The following DCDC1 variants were observed in gnomAD, a reference collection of about 807,000 sequenced individuals.
DCDC1 encodes doublecortin domain-containing protein 1.
A neutral mutation model predicts 178.3 loss-of-function variants in DCDC1; 200 were observed. The ratio of observed to expected loss-of-function variants is 1.12; its 90% CI spans 1.00 to 1.26. The LOEUF is 1.26. Among genes scored for constraint, DCDC1 ranks in the 50% most tolerant of loss-of-function variants. DCDC1 has a pLI of 0.00. For missense variants in DCDC1, 1,983 were observed against 1,749.2 expected (o/e 1.13, Z -2.38); for synonymous variants, 690 against 604.8 (o/e 1.14, Z -2.07).
At chr11:31,073,624 A>G (rs568291156) in intron 18 of DCDC1, among the ~76,000 whole-genome samples, 1 of 152,336 alleles carries the variant, frequency 6.6e-6, no homozygotes, top group South Asian at 2.1e-4. Context: ...TTCTTCATCT[A>G]CCTAGAGCCT....
intron 9 of DCDC1, among the ~76,000 whole-genome samples, chr11:31,206,571 G>A (rs561581507): frequency 7.9e-5 from 12 of 152,150 alleles, no homozygotes; most frequent in East Asian, 3.9e-4. Flanking sequence ...GCGCCACCAC[G>A]CCCTGCTATT....
intron 18 of DCDC1, among the ~76,000 whole-genome samples, chr11:31,073,944 G>A (rs373433432): frequency 2.5e-4 from 38 of 152,224 alleles, no homozygotes; most frequent in African/African-American, 7.5e-4. Context: ...AAGTTGTGAC[G>A]TAATTCTAGA....
intron 20 of DCDC1, 143 bp downstream of exon 20, chr11:31,064,326 A>C (rs541799422): frequency 1.7e-6 from 1 of 591,344 alleles, no homozygotes; most frequent in African/African-American, 1.8e-5. Flanking sequence ...TCTTCATCAA[A>C]TGTGACCCAA....
At chr11:31,199,824 T>C (rs1971090154) in intron 9 of DCDC1, among the ~76,000 whole-genome samples, 1 of 152,148 alleles carries the variant, frequency 6.6e-6, no homozygotes, top group Non-Finnish European at 1.5e-5. Flanking sequence ...CAAAACAGGA[T>C]TGAAAATTAA....
chr11:31,155,432 G>T (rs180711272), intron 9 of DCDC1, among the ~76,000 whole-genome samples: 1 of 152,180 alleles, frequency 6.6e-6, no homozygotes. Context: ...CCCAAAACAT[G>T]ACCCATTTCT....
chr11:30,958,633 G>A (rs1948904441), intron 20 of DCDC1, among the ~76,000 whole-genome samples: 1 of 152,136 alleles, frequency 6.6e-6, no homozygotes, highest in Non-Finnish European at 1.5e-5. Flanking sequence ...ATGGTGGTGT[G>A]TCCTTAACAG....
At position 31,327,001 on chromosome 11, in the gene DCDC1, A is replaced by C. The variant is rs148107960; in HGVS notation, c.164+1116T>G. On this transcript the variant is annotated intron_variant, in intron 3 of 38. Transcript: ENST00000684477. ...GTCTCCTCTGCTTTACAGTTCTGATAAATGCTGTAGTGTTAGACCCATTTG... is the reference window on the plus strand; with the variant it reads ...GTCTCCTCTGCTTTACAGTTCTGATCAATGCTGTAGTGTTAGACCCATTTG... Among the ~76,000 whole-genome samples, 127 of 152,280 alleles carry C rather than the reference A, an allele frequency of 8.3e-4. 1 individual carries two copies. The highest frequency in any genetic ancestry group is 2.8e-3 in the African/African-American group (118 of 41,554).
chr11:31,059,181 C>CTA (rs1353378984), intron 20 of DCDC1, among the ~76,000 whole-genome samples: 9 of 152,018 alleles, frequency 5.9e-5, no homozygotes, highest in African/African-American at 2.2e-4. Flanking sequence ...AATTAATGCA[C>CTA]ATTTATAGAC....
At chr11:31,029,348 A>T (rs1953465352) in intron 20 of DCDC1, among the ~76,000 whole-genome samples, 1 of 152,118 alleles carries the variant, frequency 6.6e-6, no homozygotes, top group Admixed American at 6.5e-5. Flanking sequence ...ACAAAATTCA[A>T]GAAGAAAAAG....
At chr11:30,897,406 G>T (rs1189299641) in intron 34 of DCDC1, among the ~76,000 whole-genome samples, 1 of 151,900 alleles carries the variant, frequency 6.6e-6, no homozygotes, top group African/African-American at 2.4e-5. Flanking sequence ...GGCTAACACG[G>T]TGAAACCCCC....
chr11:31,091,523 T>C lies in DCDC1; in HGVS notation c.2119-12A>G. The stretch of plus-strand genomic sequence containing the variant: ...AGGATCATTCCAGTCTTCCAATGAA[T>C]AGAGAGGGGGAGAAAGGTCTAAATA... On this transcript the variant is annotated splice_polypyrimidine_tract_variant and intron_variant, in intron 16 of 38. Transcript: ENST00000684477. 2 of 736,824 alleles carry C rather than the reference T, an allele frequency of 2.7e-6. No individual in the cohort carries two copies. The highest frequency in any genetic ancestry group is 5.0e-6 in the Non-Finnish European group (2 of 402,242). 45.6% of individuals were successfully genotyped at this position (736,824 alleles called of 1,614,324 possible).
intron 9 of DCDC1, among the ~76,000 whole-genome samples, chr11:31,165,546 A>T (rs926668395): frequency 1.3e-5 from 2 of 152,188 alleles, no homozygotes; most frequent in Non-Finnish European, 2.9e-5. Context: ...CCTAGCCTCA[A>T]GCGACCCTCC....
intron 9 of DCDC1, among the ~76,000 whole-genome samples, chr11:31,166,987 T>A (rs1019033755): frequency 1.3e-5 from 2 of 152,160 alleles, no homozygotes; most frequent in Admixed American, 1.3e-4. Flanking sequence ...CTAGCAATTG[T>A]CTCCCTCCAG....
At chr11:31,036,327 C>T (rs144988846) in intron 20 of DCDC1, among the ~76,000 whole-genome samples, 23 of 152,218 alleles carry the variant, frequency 1.5e-4, no homozygotes, top group South Asian at 6.2e-4. Context: ...AATTTATGTT[C>T]GCTGCTTAAT....
intron 8 of DCDC1, among the ~76,000 whole-genome samples, chr11:31,262,366 A>T (rs2137080058): frequency 6.6e-6 from 1 of 152,316 alleles, no homozygotes; most frequent in East Asian, 1.9e-4. Flanking sequence ...TTGACAAACT[A>T]AAAGTAGTTT....
intron 18 of DCDC1, among the ~76,000 whole-genome samples, chr11:31,074,777 C>T (rs1257395347): frequency 6.6e-6 from 1 of 152,078 alleles, no homozygotes; most frequent in Non-Finnish European, 1.5e-5. Flanking sequence ...GGGTAATGAA[C>T]AGAGGCTGTG....
chr11:31,318,907 C>T (rs1388512855), intron 3 of DCDC1, among the ~76,000 whole-genome samples: 1 of 53,958 alleles, frequency 1.9e-5, no homozygotes, highest in Non-Finnish European at 3.2e-5. Context: ...GCCTTCATTT[C>T]GTTATGTACC....
intron 27 of DCDC1, among the ~76,000 whole-genome samples, chr11:30,914,237 A>G (rs924762592): frequency 6.6e-6 from 1 of 152,210 alleles, no homozygotes; most frequent in Admixed American, 6.5e-5. Context: ...TGTCTACACA[A>G]TTGGTTTTCC....
At chr11:30,892,587 C>T (rs73465104) in intron 36 of DCDC1, among the ~76,000 whole-genome samples, 3,338 of 152,210 alleles carry the variant, frequency 0.022, 126 homozygotes, top group African/African-American at 0.074. Flanking sequence ...CTCTGCTGGA[C>T]AAGTTGCCTA....
Sources: gnomAD v4.1 joint callset for allele counts (sites outside exome capture counted in the v4.1 genomes callset) on GRCh38, gnomAD v4.1.1 for gene constraint, MANE v1.5 for transcripts, NCBI Gene and HGNC (gene_info 2026-07-23, HGNC 2026-07-21) for gene names.